SPOCK1: variants seen among roughly 807,000 people sequenced by gnomAD.
SPOCK1 encodes SPARC (osteonectin), cwcv and kazal like domains proteoglycan 1.
SPOCK1 carries 23 observed loss-of-function variants against 55.3 expected under a neutral mutation model. The ratio of observed to expected loss-of-function variants is 0.42; its 90% CI spans 0.30 to 0.59. SPOCK1 has a LOEUF of 0.59. Ranked by LOEUF, SPOCK1 falls within the 20% of genes least tolerant of loss-of-function variation. The pLI is 0.22. For missense variants in SPOCK1, 499 were observed against 552.5 expected (o/e 0.90, Z 0.97); for synonymous variants, 226 against 221.0 (o/e 1.02, Z -0.20).
chr5:137,137,752 G>A (rs1002316615), intron 4 of SPOCK1, among the ~76,000 whole-genome samples: 2 of 152,234 alleles, frequency 1.3e-5, no homozygotes, highest in Non-Finnish European at 2.9e-5. Context: ...AACTGCAGAC[G>A]CAGGTGCAAT....
intron 3 of SPOCK1, among the ~76,000 whole-genome samples, chr5:137,195,984 G>A (rs898802679): frequency 1.8e-4 from 28 of 152,210 alleles, no homozygotes; most frequent in African/African-American, 6.3e-4. Context: ...GACTGAAAGA[G>A]AAGAGAATAA....
intron 7 of SPOCK1, among the ~76,000 whole-genome samples, chr5:136,991,400 T>C (rs1399213940): frequency 6.6e-6 from 1 of 152,060 alleles, no homozygotes; most frequent in Non-Finnish European, 1.5e-5. Context: ...TGTTCTCCAC[T>C]GATATCTCTA....
chr5:137,356,838 T>TATATATATATAGAGAG (rs1554077335), intron 2 of SPOCK1, among the ~76,000 whole-genome samples: 2 of 5,458 alleles, frequency 3.7e-4, no homozygotes, highest in Non-Finnish European at 6.2e-4. Context: ...TATATATATA[T>TATATATATATAGAGAG]AGAGAGAGAG....
intron 2 of SPOCK1, among the ~76,000 whole-genome samples, chr5:137,457,913 G>T (rs753802741): frequency 6.6e-6 from 1 of 152,176 alleles, no homozygotes; most frequent in Non-Finnish European, 1.5e-5. Flanking sequence ...AAAACCCACA[G>T]AAATGACTCA....
intron 3 of SPOCK1, among the ~76,000 whole-genome samples, chr5:137,225,416 T>G (rs1002751773): frequency 6.6e-6 from 1 of 152,214 alleles, no homozygotes; most frequent in Non-Finnish European, 1.5e-5. Flanking sequence ...AATTGTTAGC[T>G]ATTGTCATAA....
intron 2 of SPOCK1, among the ~76,000 whole-genome samples, chr5:137,443,090 C>G (rs774049178): frequency 1.1e-4 from 16 of 152,038 alleles, no homozygotes; most frequent in Non-Finnish European, 2.1e-4. Context: ...TGGAAAAGAA[C>G]ATGGGCTTTG....
intron 3 of SPOCK1, among the ~76,000 whole-genome samples, chr5:137,201,065 A>C (rs1178354360): frequency 1.3e-5 from 2 of 152,218 alleles, no homozygotes; most frequent in African/African-American, 4.8e-5. Context: ...CAAAAAGGAA[A>C]CAATACAGAC....
intron 6 of SPOCK1, among the ~76,000 whole-genome samples, chr5:136,999,976 C>T (rs1197918661): frequency 6.6e-6 from 1 of 152,310 alleles, no homozygotes; most frequent in East Asian, 1.9e-4. Flanking sequence ...TACCCTACTC[C>T]TCCCCTTCTG....
chr5:137,098,558 G>C (rs992736183), intron 5 of SPOCK1, among the ~76,000 whole-genome samples: 5 of 152,192 alleles, frequency 3.3e-5, no homozygotes, highest in African/African-American at 9.7e-5. Context: ...TCTGAGCATG[G>C]AATTAGTGGA....
At chr5:137,238,721 A>G (rs1285767582) in intron 3 of SPOCK1, among the ~76,000 whole-genome samples, 1 of 152,240 alleles carries the variant, frequency 6.6e-6, no homozygotes, top group Non-Finnish European at 1.5e-5. Flanking sequence ...AAAATACTCA[A>G]TAAAATAGGA....
intron 2 of SPOCK1, among the ~76,000 whole-genome samples, chr5:137,411,957 G>A (rs936755626): frequency 1.1e-4 from 17 of 152,166 alleles, no homozygotes; most frequent in African/African-American, 2.9e-4. Context: ...AAAGGTCCGC[G>A]TGGCTATCAC....
intron 5 of SPOCK1, among the ~76,000 whole-genome samples, chr5:137,108,656 T>G (rs1290747092): frequency 2.0e-5 from 3 of 151,934 alleles, no homozygotes; most frequent in Non-Finnish European, 4.4e-5. Context: ...TTTAGACATC[T>G]TCTTCTGCCC....
At chr5:137,200,638 T>C (rs1186955996) in intron 3 of SPOCK1, among the ~76,000 whole-genome samples, 3 of 152,224 alleles carry the variant, frequency 2.0e-5, no homozygotes, top group Admixed American at 2.0e-4. Context: ...TCCCTCTTTT[T>C]TTCAATTTTA....
chr5:137,370,719 A>G (rs1443495101), intron 2 of SPOCK1, among the ~76,000 whole-genome samples: 1 of 152,256 alleles, frequency 6.6e-6, no homozygotes, highest in African/African-American at 2.4e-5. Flanking sequence ...ACATGCAATC[A>G]TTAGAGTTTT....
intron 3 of SPOCK1, among the ~76,000 whole-genome samples, chr5:137,173,998 T>G (rs994844674): frequency 6.6e-6 from 1 of 152,216 alleles, no homozygotes; most frequent in Non-Finnish European, 1.5e-5. Flanking sequence ...CTTATGCAAC[T>G]GATGAAAGGC....
chr5:136,979,182 C>T (rs1750676100), intron 10 of SPOCK1, 150 bp downstream of exon 10: 3 of 1,159,090 alleles, frequency 2.6e-6, no homozygotes, highest in South Asian at 1.5e-5. Context: ...TACACGGGAG[C>T]TCATGTGATT....
chr5:137,456,890 C>A (rs1328955318), intron 2 of SPOCK1, among the ~76,000 whole-genome samples: 2 of 152,172 alleles, frequency 1.3e-5, no homozygotes, highest in African/African-American at 4.8e-5. Context: ...AGAAGAAATT[C>A]ATTGTTAATA....
At chr5:137,390,914 A>G (rs1751707203) in intron 2 of SPOCK1, among the ~76,000 whole-genome samples, 1 of 152,160 alleles carries the variant, frequency 6.6e-6, no homozygotes, top group Non-Finnish European at 1.5e-5. Context: ...ACATACTTTA[A>G]GTTCTGGGAT....
At chr5:137,040,575 A>C (rs1751977250) in intron 6 of SPOCK1, among the ~76,000 whole-genome samples, 1 of 152,238 alleles carries the variant, frequency 6.6e-6, no homozygotes, top group African/African-American at 2.4e-5. Context: ...TGACCAGAGA[A>C]GTTTCTGCAC....
Sources: allele counts gnomAD v4.1 joint callset (sites outside exome capture counted in the v4.1 genomes callset), GRCh38; gene constraint gnomAD v4.1.1; transcripts MANE v1.5; gene names NCBI Gene and HGNC (gene_info 2026-07-23, HGNC 2026-07-21).